Variants in VOPP1 observed in about 807,000 individuals in gnomAD.
VOPP1 encodes WW domain binding protein VOPP1.
VOPP1 carries 8 observed loss-of-function variants against 23.5 expected under a neutral mutation model. That is an observed-to-expected ratio of 0.34 (90% CI 0.20 to 0.61). The LOEUF is 0.61. Among genes scored for constraint, VOPP1 ranks in the 20% least tolerant of loss-of-function variants. The probability of loss-of-function intolerance (pLI) is 0.78; values close to 1 mark genes in which losing one functional copy is unlikely to be tolerated. For missense variants in VOPP1, 174 were observed against 238.1 expected, an observed-to-expected ratio of 0.73 and a Z score of 1.77; for synonymous variants, 83 against 97.3, an observed-to-expected ratio of 0.85 and a Z score of 0.86.
At chr7:55,543,302 A>C (rs1168849902) in intron 1 of VOPP1, among the ~76,000 whole-genome samples, 1 of 152,202 alleles carries the variant, frequency 6.6e-6, no homozygotes, top group African/African-American at 2.4e-5. Flanking sequence ...ACTGATGGGC[A>C]CTTAGGTGGA....
intron 4 of VOPP1, among the ~76,000 whole-genome samples, chr7:55,455,357 T>C (rs1226874778): frequency 2.0e-5 from 3 of 152,144 alleles, no homozygotes; most frequent in Admixed American, 6.5e-5. Context: ...AGAATAAATA[T>C]TGTGAAAATC....
At chr7:55,524,503 C>T (rs551834106) in intron 1 of VOPP1, among the ~76,000 whole-genome samples, 6 of 152,314 alleles carry the variant, frequency 3.9e-5, no homozygotes, top group African/African-American at 1.4e-4. Context: ...GGAATGCCAA[C>T]ATCGTAATAC....
chr7:55,473,160 A>G, intron 4 of VOPP1, 115 bp from the exon 5 acceptor site: 1 of 1,445,722 alleles, frequency 6.9e-7, no homozygotes, highest in Non-Finnish European at 9.1e-7. Flanking sequence ...GCGACAGTGT[A>G]TGAAGGACCC....
At position 55,521,283 on chromosome 7, in the gene VOPP1, G is replaced by GC. The variant is rs535194588; in HGVS notation, c.55-154dup. 1.4e-3 allele frequency among the ~76,000 whole-genome samples: 209 copies of GC among 152,178 alleles called. 2 individuals carry two copies. Among genetic ancestry groups the GC allele is most frequent in the Middle Eastern group, 0.01 (3 of 294 alleles). On this transcript the variant is annotated intron_variant, in intron 1 of 4. Coordinates refer to ENST00000285279, the MANE Select transcript of VOPP1 (RefSeq NM_030796.5). ...CAGACAATGCATTACAGGGAGAGCC[G>GC]CCCCCTTTCTCATGACTTTCTATTT...
Position 55,459,015 on chromosome 7 carries a change from G to A in VOPP1, n.418-22841C>T, listed in dbSNP as rs138795458. 5.1e-3 allele frequency among the ~76,000 whole-genome samples: 780 copies of A among 152,124 alleles called. 10 individuals carry two copies. Among genetic ancestry groups the A allele is most frequent in the African/African-American group, 0.016 (672 of 41,528 alleles). Reference sequence around the variant, plus strand: ...TTAGTATGATGTCAGCTGTGAATCTGTCATATATGGCCTTTATTATGTTGA... The same window carrying A: ...TTAGTATGATGTCAGCTGTGAATCTATCATATATGGCCTTTATTATGTTGA... On this transcript the variant is annotated intron_variant and non_coding_transcript_variant, in intron 4 of 4. Coordinates refer to the VOPP1 transcript ENST00000462326.
rs139339893 is a variant in VOPP1 at position 55,474,036 on chromosome 7, A to G, written c.329-991T>C. On this transcript the variant is annotated intron_variant, in intron 4 of 4. Coordinates refer to ENST00000285279, the MANE Select transcript of VOPP1 (RefSeq NM_030796.5). The stretch of plus-strand genomic sequence containing the variant: ...TAAGTCAGACCATGGGAATCTGCGC[A>G]TGTGCGGAAGGAGAGCATGTAGAAC... Among the ~76,000 whole-genome samples the G allele has an allele frequency of 6.9e-4, 105 of 152,366 alleles. No homozygotes were observed. In the East Asian group the frequency reaches 0.017, roughly 24 times the overall value.
intron 4 of VOPP1, among the ~76,000 whole-genome samples, chr7:55,486,034 G>A (rs1793116602): frequency 6.6e-6 from 1 of 152,238 alleles, no homozygotes; most frequent in South Asian, 2.1e-4. Context: ...CCCTTGGTAC[G>A]TGCAGTGTGT....
downstream of VOPP1, among the ~76,000 whole-genome samples, chr7:55,468,432 A>G (rs961742926): frequency 6.6e-6 from 1 of 152,168 alleles, no homozygotes; most frequent in Non-Finnish European, 1.5e-5. Flanking sequence ...AGGTAGGCAA[A>G]TTGCAGAGGC....
At chr7:55,498,016 CTGGGAGGAGGCT>C (rs1794097017) in intron 2 of VOPP1, among the ~76,000 whole-genome samples, 3 of 152,246 alleles carry the variant, frequency 2.0e-5, no homozygotes, top group Non-Finnish European at 4.4e-5. Flanking sequence ...AGGACTGCTG[CTGGGAGGAGGCT>C]CCACAGGAGC....
chr7:55,444,558 GAGGATTGAGGGCCACTC>G (rs1038121152), intron 4 of VOPP1, among the ~76,000 whole-genome samples: 2 of 152,114 alleles, frequency 1.3e-5, no homozygotes, highest in Admixed American at 6.5e-5. Flanking sequence ...AGGAGGCAGA[GAGGATTGAGGGCCACTC>G]TGGAAACTGG....
intron 2 of VOPP1, among the ~76,000 whole-genome samples, chr7:55,504,771 A>C (rs562720369): frequency 3.9e-4 from 59 of 152,392 alleles, no homozygotes; most frequent in African/African-American, 1.4e-3. Flanking sequence ...CTTCTCCAGG[A>C]AACAATGCCT....
intron 1 of VOPP1, chr7:55,526,682 T>C (rs1442138252): frequency 6.6e-6 from 1 of 152,184 alleles, no homozygotes; most frequent in African/African-American, 2.4e-5. Context: ...TTTAGATAAA[T>C]AGCAGACAAA....
intron 2 of VOPP1, among the ~76,000 whole-genome samples, chr7:55,519,581 C>T (rs1795703592): frequency 6.7e-6 from 1 of 148,266 alleles, no homozygotes. Context: ...TTCCTGTTAT[C>T]CCACAACCAC....
At chr7:55,442,148 C>G (rs986998475) in intron 4 of VOPP1, among the ~76,000 whole-genome samples, 3 of 152,164 alleles carry the variant, frequency 2.0e-5, no homozygotes, top group African/African-American at 7.2e-5. Context: ...ATAGGCTTCT[C>G]AGACACAGTT....
At chr7:55,547,471 C>T (rs1375019163) in intron 1 of VOPP1, among the ~76,000 whole-genome samples, 2 of 152,090 alleles carry the variant, frequency 1.3e-5, no homozygotes, top group African/African-American at 4.8e-5. Context: ...CCTCTGCATA[C>T]CAATAAACCT....
intron 3 of VOPP1, among the ~76,000 whole-genome samples, chr7:55,496,897 A>G (rs949768366): frequency 3.3e-5 from 5 of 152,262 alleles, no homozygotes; most frequent in African/African-American, 4.8e-5. Flanking sequence ...TGGGAGAAGA[A>G]GAGCAGGTGG....
At chr7:55,537,210 C>A (rs77259936) in intron 1 of VOPP1, among the ~76,000 whole-genome samples, 1,672 of 152,298 alleles carry the variant, frequency 0.011, 11 homozygotes, top group Middle Eastern at 0.02. Context: ...GCCTGCATAC[C>A]CTTCCTTCAG....
chr7:55,435,361 G>A (rs1207353635), downstream of VOPP1, among the ~76,000 whole-genome samples: 1 of 152,228 alleles, frequency 6.6e-6, no homozygotes, highest in African/African-American at 2.4e-5. Flanking sequence ...CGGGGGTGCT[G>A]TGGGAGGCGG....
intron 4 of VOPP1, among the ~76,000 whole-genome samples, chr7:55,483,743 A>G (rs1188772558): frequency 6.6e-6 from 1 of 152,110 alleles, no homozygotes; most frequent in Non-Finnish European, 1.5e-5. Context: ...TGATTTTAAC[A>G]CAACATGTTG....
Sources: allele counts gnomAD v4.1 joint callset (sites outside exome capture counted in the v4.1 genomes callset), GRCh38; gene constraint gnomAD v4.1.1; transcripts MANE v1.5; gene names NCBI Gene and HGNC (gene_info 2026-07-23, HGNC 2026-07-21).